MECOM: variants seen among roughly 807,000 people sequenced by gnomAD.
MECOM encodes the protein histone-lysine N-methyltransferase MECOM.
MECOM carries 13 observed loss-of-function variants against 116.3 expected under a neutral mutation model. The observed-to-expected ratio is 0.11, with a 90% CI of 0.07 to 0.18. MECOM has a LOEUF of 0.18. MECOM is among the 10% of genes least tolerant of loss of function. MECOM has a pLI of 1.00. For missense variants in MECOM, 1,299 were observed against 1,509.0 expected, an observed-to-expected ratio of 0.86 and a Z score of 2.31; for synonymous variants, 528 against 535.2, an observed-to-expected ratio of 0.99 and a Z score of 0.19.
intron 2 of MECOM, among the ~76,000 whole-genome samples, chr3:169,373,401 T>C (rs1018612144): frequency 3.3e-5 from 5 of 151,960 alleles, no homozygotes; most frequent in African/African-American, 1.2e-4. Flanking sequence ...TTGGGAAATA[T>C]ATTCAATTTT....
At chr3:169,149,575 C>T (rs1215352864) in intron 2 of MECOM, 1 of 362,956 alleles carries the variant, frequency 2.8e-6, no homozygotes, top group East Asian at 8.7e-5. Context: ...GCGCCGGCAA[C>T]ACAGCTCTGC....
At chr3:169,538,800 G>T (rs536948729) in intron 1 of MECOM, among the ~76,000 whole-genome samples, 1 of 152,184 alleles carries the variant, frequency 6.6e-6, no homozygotes, top group Admixed American at 6.5e-5. Context: ...TCAGTTGGTG[G>T]TGCTTGAAAC....
chr3:169,369,043 G>T (rs1362560104), intron 2 of MECOM, among the ~76,000 whole-genome samples: 1 of 152,028 alleles, frequency 6.6e-6, no homozygotes, highest in African/African-American at 2.4e-5. Flanking sequence ...CCTCATACTT[G>T]AGGAAATTTT....
At chr3:169,300,600 A>G (rs1716525666) in intron 2 of MECOM, among the ~76,000 whole-genome samples, 2 of 152,330 alleles carry the variant, frequency 1.3e-5, no homozygotes, top group South Asian at 4.1e-4. Flanking sequence ...AGCCCTTCAG[A>G]TATTTGAAGC....
Position 169,308,810 on chromosome 3 carries a change from T to C in MECOM, c.375+72377A>G, listed in dbSNP as rs543004661. ...TGCTTTGCCCTGAGTGAGCTTGTTA[T>C]GATCAACTGAATTCTCTCCCCATAA... On this transcript the variant is annotated intron_variant, in intron 2 of 16. Coordinates refer to ENST00000651503, the MANE Select transcript of MECOM (RefSeq NM_004991.4). Among the ~76,000 whole-genome samples, 19 of 152,390 alleles carry C rather than the reference T, an allele frequency of 1.2e-4. 1 individual carries two copies. The highest frequency in any genetic ancestry group is 4.1e-4 in the African/African-American group (17 of 41,600).
At chr3:169,427,370 A>T (rs73879068) in intron 1 of MECOM, among the ~76,000 whole-genome samples, 1,775 of 152,266 alleles carry the variant, frequency 0.012, 36 homozygotes, top group African/African-American at 0.04. Flanking sequence ...GTAGCTAATT[A>T]TGTCAAAGAA....
intron 1 of MECOM, among the ~76,000 whole-genome samples, chr3:169,521,024 G>A (rs1757289008): frequency 6.6e-6 from 1 of 152,150 alleles, no homozygotes; most frequent in Middle Eastern, 3.2e-3. Flanking sequence ...CTCAATAAAT[G>A]GGAAGGACAA....
intron 1 of MECOM, among the ~76,000 whole-genome samples, chr3:169,453,133 GTTAA>G (rs1370929367): frequency 2.0e-5 from 3 of 152,172 alleles, no homozygotes; most frequent in Non-Finnish European, 2.9e-5. Flanking sequence ...TACAGAGGTG[GTTAA>G]TTAATTAACA....
chr3:169,376,425 A>T (rs1731049384), intron 2 of MECOM, among the ~76,000 whole-genome samples: 1 of 152,194 alleles, frequency 6.6e-6, no homozygotes. Context: ...TATATTTAGA[A>T]AATTCCATCG....
intron 2 of MECOM, among the ~76,000 whole-genome samples, chr3:169,190,777 G>C (rs1402927563): frequency 2.6e-5 from 4 of 152,012 alleles, no homozygotes; most frequent in African/African-American, 9.7e-5. Context: ...GTTTGGAATA[G>C]ATTGTACAAT....
intron 2 of MECOM, among the ~76,000 whole-genome samples, chr3:169,208,628 T>C (rs748030189): frequency 2.6e-5 from 4 of 151,850 alleles, no homozygotes; most frequent in African/African-American, 2.4e-5. Flanking sequence ...ATATCTGTGT[T>C]AGCTAACAAG....
intron 2 of MECOM, among the ~76,000 whole-genome samples, chr3:169,157,912 CA>C (rs1341621623): frequency 1.3e-5 from 2 of 152,188 alleles, no homozygotes; most frequent in African/African-American, 4.8e-5. Flanking sequence ...TCTGGACTGC[CA>C]ATTTATAAAT....
At chr3:169,497,145 A>C (rs1012252860) in intron 1 of MECOM, among the ~76,000 whole-genome samples, 1 of 152,128 alleles carries the variant, frequency 6.6e-6, no homozygotes, top group East Asian at 1.9e-4. Context: ...CCCATGCCAC[A>C]GTTCATATTT....
At chr3:169,662,312 C>G (rs1776383020) in intron 1 of MECOM, among the ~76,000 whole-genome samples, 1 of 152,126 alleles carries the variant, frequency 6.6e-6, no homozygotes, top group African/African-American at 2.4e-5. Context: ...GGCTGCGCTG[C>G]GCCCTCTCCG....
At chr3:169,553,631 G>A (rs1317164719) in intron 1 of MECOM, among the ~76,000 whole-genome samples, 1 of 152,150 alleles carries the variant, frequency 6.6e-6, no homozygotes, top group Non-Finnish European at 1.5e-5. Flanking sequence ...CACATGGGGT[G>A]GCTTAAACAA....
intron 2 of MECOM, among the ~76,000 whole-genome samples, chr3:169,284,324 A>G (rs779260640): frequency 8.5e-5 from 13 of 152,126 alleles, no homozygotes; most frequent in Non-Finnish European, 1.8e-4. Flanking sequence ...TGGTCTTGGG[A>G]ATCCTGAGCG....
At chr3:169,489,059 TAC>T (rs1752758305) in intron 1 of MECOM, among the ~76,000 whole-genome samples, 1 of 152,094 alleles carries the variant, frequency 6.6e-6, no homozygotes, top group South Asian at 2.1e-4. Flanking sequence ...GGAATACAGA[TAC>T]ACAAGAGATT....
At chr3:169,472,404 G>A (rs530314310) in intron 1 of MECOM, among the ~76,000 whole-genome samples, 1 of 134,468 alleles carries the variant, frequency 7.4e-6, no homozygotes, top group Non-Finnish European at 1.6e-5. Flanking sequence ...AAATAATAGA[G>A]GAGAGGAGAG....
chr3:169,448,943 A>G (rs1284782880), intron 1 of MECOM, among the ~76,000 whole-genome samples: 1 of 152,146 alleles, frequency 6.6e-6, no homozygotes, highest in Non-Finnish European at 1.5e-5. Flanking sequence ...CCATACCATG[A>G]TAAATTTTTG....
Sources: gnomAD v4.1 joint callset for allele counts (sites outside exome capture counted in the v4.1 genomes callset) on GRCh38, gnomAD v4.1.1 for gene constraint, MANE v1.5 for transcripts, NCBI Gene and HGNC (gene_info 2026-07-23, HGNC 2026-07-21) for gene names.